The following PDE11A variants were observed in gnomAD, a reference collection of about 807,000 sequenced individuals.
The protein encoded by PDE11A is phosphodiesterase 11A, also known as dual 3',5'-cyclic-AMP and -GMP phosphodiesterase 11A.
Under a neutral mutation model 100.5 loss-of-function variants are expected in PDE11A, and 100 were observed. The ratio of observed to expected loss-of-function variants is 1.00; its 90% confidence interval spans 0.85 to 1.18. The LOEUF is 1.18. Ranked by LOEUF, PDE11A falls within the 50% of genes most tolerant of loss-of-function variation. PDE11A has a pLI of 0.00. For missense variants in PDE11A, 1,141 were observed against 1,152.6 expected, an observed-to-expected ratio of 0.99 and a Z score of 0.15; for synonymous variants, 381 against 420.8, an observed-to-expected ratio of 0.91 and a Z score of 1.16.
intron 12 of PDE11A, among the ~76,000 whole-genome samples, chr2:177,719,355 C>A (rs750775704): frequency 1.1e-4 from 17 of 152,084 alleles, no homozygotes; most frequent in Non-Finnish European, 1.9e-4. Context: ...TTGCAGACAC[C>A]CTAAAGCTGA....
chr2:177,992,234 A>C (rs1442981385), intron 2 of PDE11A, among the ~76,000 whole-genome samples: 3 of 151,404 alleles, frequency 2.0e-5, no homozygotes, highest in Non-Finnish European at 4.4e-5. Flanking sequence ...ACCAAACAGG[A>C]TTCATCTCAG....
In PDE11A at chr2:178,072,713, A is replaced by G; in HGVS notation, c.-276T>C. 7.2e-7 allele frequency: 1 copy of G among 1,380,920 alleles called. No individual in the cohort carries two copies. The highest frequency in any genetic ancestry group is 1.5e-5 in the South Asian group (1 of 66,546). The allele number at this position is 1,380,920 out of a possible 1,614,324, so 85.5% of individuals were successfully genotyped here. On this transcript the variant is annotated 5_prime_UTR_variant, in exon 1 of 20. Transcript: ENST00000286063. The stretch of plus-strand genomic sequence containing the variant: ...GCCGCTGCCCCGGCTCCTGTTCCGG[A>G]AACCCGAGCTATCGCTGCTCCTGTT...
At chr2:177,772,452 A>G (rs73030372) in intron 9 of PDE11A, among the ~76,000 whole-genome samples, 1,895 of 152,314 alleles carry the variant, frequency 0.012, 37 homozygotes, top group African/African-American at 0.043. Context: ...TCATTATCTT[A>G]TCTTAAAATA....
At chr2:177,797,949 G>A (rs987882080) in intron 9 of PDE11A, among the ~76,000 whole-genome samples, 1 of 152,130 alleles carries the variant, frequency 6.6e-6, no homozygotes, top group Non-Finnish European at 1.5e-5. Flanking sequence ...ATTCTCCACT[G>A]CTTTTAGAAT....
At chr2:177,708,588 T>C (rs1343736684) in intron 13 of PDE11A, among the ~76,000 whole-genome samples, 2 of 152,054 alleles carry the variant, frequency 1.3e-5, no homozygotes, top group Admixed American at 1.3e-4. Flanking sequence ...CATGGTTACC[T>C]ATGTAACAAA....
chr2:178,023,264 T>C (rs757100061), intron 1 of PDE11A, among the ~76,000 whole-genome samples: 8 of 152,190 alleles, frequency 5.3e-5, no homozygotes, highest in African/African-American at 9.6e-5. Flanking sequence ...TCAGCTTTCA[T>C]GTCTTTGAGA....
At chr2:177,671,487 T>A (rs948484732) in intron 17 of PDE11A, among the ~76,000 whole-genome samples, 7 of 152,018 alleles carry the variant, frequency 4.6e-5, no homozygotes, top group Non-Finnish European at 1.0e-4. Context: ...AAGGGAATTT[T>A]AAAAAATCAA....
chr2:177,852,812 G>T (rs1053674079), intron 5 of PDE11A, among the ~76,000 whole-genome samples: 1 of 152,164 alleles, frequency 6.6e-6, no homozygotes, highest in South Asian at 2.1e-4. Flanking sequence ...CTAAGTTGCA[G>T]GAGTTCCTAA....
intron 1 of PDE11A, among the ~76,000 whole-genome samples, chr2:178,029,978 A>T (rs1268931461): frequency 6.6e-6 from 1 of 152,182 alleles, no homozygotes; most frequent in African/African-American, 2.4e-5. Flanking sequence ...CCCTCACCAG[A>T]TGCAGACACC....
Position 178,014,282 on chromosome 2 carries a change from C to T in PDE11A, c.1071+20G>A, listed in dbSNP as rs556070081. 1.3e-6 allele frequency: 2 copies of T among 1,589,242 alleles called. No homozygotes were observed. The highest frequency in any genetic ancestry group is 4.5e-5 in the East Asian group (2 of 44,666). ...TGACCAAGAAGAAAAGTACAACTCACAAAAGGCATGAAATCTTACTTTTTC... is the reference window on the plus strand; with the variant it reads ...TGACCAAGAAGAAAAGTACAACTCATAAAAGGCATGAAATCTTACTTTTTC... On this transcript the variant is annotated intron_variant, in intron 2 of 19. Transcript: ENST00000286063.
chr2:177,820,868 T>C (rs1217646384), intron 6 of PDE11A, among the ~76,000 whole-genome samples: 1 of 151,764 alleles, frequency 6.6e-6, no homozygotes, highest in Non-Finnish European at 1.5e-5. Flanking sequence ...TGTCAGGAGG[T>C]GACATTTAAA....
At chr2:177,837,519 G>A (rs999707034) in intron 6 of PDE11A, among the ~76,000 whole-genome samples, 1 of 151,306 alleles carries the variant, frequency 6.6e-6, no homozygotes, top group Admixed American at 6.6e-5. Flanking sequence ...TGTCGCCCAG[G>A]CTGGAGTGCA....
At chr2:177,699,492 TTTA>T (rs1292998328) in intron 14 of PDE11A, among the ~76,000 whole-genome samples, 3 of 152,326 alleles carry the variant, frequency 2.0e-5, no homozygotes, top group African/African-American at 4.8e-5. Context: ...TTGCAATCAG[TTTA>T]TTGTTTATAT....
intron 2 of PDE11A, chr2:177,998,666 C>G: frequency 8.2e-7 from 1 of 1,224,804 alleles, no homozygotes; most frequent in Non-Finnish European, 1.2e-6. Context: ...TACCACCTTT[C>G]ACACCATCCA....
intron 2 of PDE11A, among the ~76,000 whole-genome samples, chr2:177,937,140 A>G (rs114315904): frequency 0.038 from 5,774 of 151,976 alleles, 376 homozygotes; most frequent in African/African-American, 0.13. Flanking sequence ...GTGATCATAC[A>G]TCACAGTTTG....
chr2:177,769,903 A>C (rs1448583417), intron 9 of PDE11A, among the ~76,000 whole-genome samples: 1 of 150,566 alleles, frequency 6.6e-6, no homozygotes, highest in African/African-American at 2.5e-5. Context: ...AAAAAAAAAA[A>C]AAAAAGGCAT....
chr2:177,663,447 A>T (rs897840293), intron 19 of PDE11A, among the ~76,000 whole-genome samples: 3 of 152,022 alleles, frequency 2.0e-5, no homozygotes, highest in Non-Finnish European at 4.4e-5. Flanking sequence ...TTGTAAAAAA[A>T]AAAAATTTCC....
intron 2 of PDE11A, among the ~76,000 whole-genome samples, chr2:177,962,376 CA>C (rs1243067870): frequency 4.6e-5 from 7 of 151,894 alleles, no homozygotes; most frequent in Admixed American, 3.3e-4. Flanking sequence ...TGTAGTTATA[CA>C]ATCGGTAAAA....
intron 2 of PDE11A, among the ~76,000 whole-genome samples, chr2:178,000,887 G>A (rs2086136759): frequency 6.6e-6 from 1 of 152,060 alleles, no homozygotes; most frequent in African/African-American, 2.4e-5. Context: ...ATGTATATCA[G>A]GCCCATCTAC....
Sources: allele counts gnomAD v4.1 joint callset (sites outside exome capture counted in the v4.1 genomes callset), GRCh38; gene constraint gnomAD v4.1.1; transcripts MANE v1.5; gene names NCBI Gene and HGNC (gene_info 2026-07-23, HGNC 2026-07-21).